Variants in CLVS1 observed in about 807,000 individuals in gnomAD.
CLVS1 encodes the protein clavesin-1.
CLVS1 carries 10 observed loss-of-function variants against 33.1 expected under a neutral mutation model. That is an observed-to-expected ratio of 0.30 (90% confidence interval 0.19 to 0.51). CLVS1 has a LOEUF of 0.51. Ranked by LOEUF, CLVS1 falls within the 20% of genes least tolerant of loss-of-function variation. The pLI is 0.97. For missense variants in CLVS1, 343 were observed against 433.4 expected, an observed-to-expected ratio of 0.79 and a Z score of 1.85; for synonymous variants, 163 against 166.1, an observed-to-expected ratio of 0.98 and a Z score of 0.14.
At chr8:61,370,188 T>C (rs1216915503) in intron 2 of CLVS1, among the ~76,000 whole-genome samples, 1 of 95,100 alleles carries the variant, frequency 1.1e-5, no homozygotes. Context: ...GGGCAAAGAG[T>C]TTTTTTATAA....
Position 61,270,155 on chromosome 8 carries a change from G to A in CLVS1, c.-151-29522G>A, listed in dbSNP as rs376086099. Among the ~76,000 whole-genome samples the A allele has an allele frequency of 2.5e-3, 381 of 152,178 alleles. 3 individuals are homozygous for A. Among genetic ancestry groups the A allele is most frequent in the African/African-American group, 7.6e-3 (317 of 41,510 alleles). ...GTATGATATTGGCTGTGGGTTTGTC[G>A]TAGATAGCTCTTATTATTTTGAAAT... On this transcript the variant is annotated intron_variant, in intron 2 of 2. Coordinates refer to the CLVS1 transcript ENST00000522621.
At chr8:61,411,289 C>T (rs1193146681) in intron 3 of CLVS1, among the ~76,000 whole-genome samples, 1 of 152,184 alleles carries the variant, frequency 6.6e-6, no homozygotes, top group Admixed American at 6.5e-5. Context: ...TGAATTCCTC[C>T]TGTCTGCAAG....
At chr8:61,379,264 T>TGATTAATG (rs1813769942) in intron 3 of CLVS1, among the ~76,000 whole-genome samples, 1 of 152,208 alleles carries the variant, frequency 6.6e-6, no homozygotes, top group East Asian at 1.9e-4. Flanking sequence ...AATTTGGTGC[T>TGATTAATG]AGGCCATCTG....
chr8:61,328,761 G>C lies in CLVS1; in HGVS notation c.455+28479G>C, dbSNP rs183321987. Among the ~76,000 whole-genome samples, 357 of 152,236 alleles carry C rather than the reference G, an allele frequency of 2.3e-3. 1 individual carries two copies. Among genetic ancestry groups the C allele is most frequent in the African/African-American group, 8.0e-3 (334 of 41,522 alleles). ...ACGTTGGTTGTCTCTCAGCAGGAGG[G>C]AAGTCCCCTGGAAGCAAAGATTTGT... On this transcript the variant is annotated intron_variant, in intron 2 of 5. Coordinates refer to ENST00000325897, the MANE Select transcript of CLVS1 (RefSeq NM_173519.3).
chr8:61,433,769 C>T (rs1816203267), intron 3 of CLVS1, among the ~76,000 whole-genome samples: 1 of 151,944 alleles, frequency 6.6e-6, no homozygotes, highest in Non-Finnish European at 1.5e-5. Context: ...CAAAAATTAG[C>T]CAGGTGTGGT....
At chr8:61,237,184 C>A (rs1808583669) in intron 2 of CLVS1, among the ~76,000 whole-genome samples, 1 of 152,184 alleles carries the variant, frequency 6.6e-6, no homozygotes, top group Non-Finnish European at 1.5e-5. Context: ...CAGGATGACT[C>A]CTATTTTCAG....
chr8:61,328,434 A>G (rs990322551), intron 2 of CLVS1, among the ~76,000 whole-genome samples: 1 of 152,168 alleles, frequency 6.6e-6, no homozygotes, highest in Non-Finnish European at 1.5e-5. Flanking sequence ...GGCAGGATTT[A>G]CATGGGCCAG....
At chr8:61,072,221 A>G (rs1804809490) in intron 1 of CLVS1, among the ~76,000 whole-genome samples, 1 of 151,982 alleles carries the variant, frequency 6.6e-6, no homozygotes, top group African/African-American at 2.4e-5. Context: ...CCAGCTGGAG[A>G]GATTTTCTTG....
At chr8:61,394,651 G>A (rs1470140566) in intron 3 of CLVS1, among the ~76,000 whole-genome samples, 1 of 152,162 alleles carries the variant, frequency 6.6e-6, no homozygotes, top group Non-Finnish European at 1.5e-5. Context: ...CTCCCATGCA[G>A]CCAGCGAGGT....
chr8:61,125,912 G>A (rs1215092708), intron 1 of CLVS1, among the ~76,000 whole-genome samples: 2 of 151,682 alleles, frequency 1.3e-5, no homozygotes, highest in African/African-American at 4.8e-5. Context: ...AACAATTAAC[G>A]GAAAACAGCC....
intron 5 of CLVS1, among the ~76,000 whole-genome samples, chr8:61,489,294 GC>G (rs1563577335): frequency 6.6e-6 from 1 of 152,130 alleles, no homozygotes; most frequent in African/African-American, 2.4e-5. Context: ...GCATGTTTAT[GC>G]CCTTTGGTTT....
chr8:61,177,657 C>G (rs891929132), intron 2 of CLVS1, among the ~76,000 whole-genome samples: 2 of 152,044 alleles, frequency 1.3e-5, no homozygotes, highest in Non-Finnish European at 2.9e-5. Flanking sequence ...GTTCCCCAGC[C>G]TCCTCAAGTG....
At chr8:61,410,302 G>A (rs904242740) in intron 3 of CLVS1, among the ~76,000 whole-genome samples, 1 of 151,976 alleles carries the variant, frequency 6.6e-6, no homozygotes, top group Non-Finnish European at 1.5e-5. Context: ...TTATGGAAAC[G>A]TTTATTTTCC....
At chr8:61,069,328 G>A (rs375689709) in intron 1 of CLVS1, among the ~76,000 whole-genome samples, 1 of 152,102 alleles carries the variant, frequency 6.6e-6, no homozygotes, top group Non-Finnish European at 1.5e-5. Context: ...CGACTTCCTC[G>A]CTTTCCAACA....
intron 2 of CLVS1, among the ~76,000 whole-genome samples, chr8:61,147,172 C>T (rs1806438533): frequency 6.6e-6 from 1 of 152,172 alleles, no homozygotes; most frequent in Admixed American, 6.5e-5. Flanking sequence ...ATGCTTCAGC[C>T]TGAGGGAGAA....
At chr8:61,409,906 T>C (rs1246112708) in intron 3 of CLVS1, among the ~76,000 whole-genome samples, 1 of 152,136 alleles carries the variant, frequency 6.6e-6, no homozygotes, top group East Asian at 1.9e-4. Flanking sequence ...CATGTTTAAG[T>C]GGAATTTGTA....
intron 5 of CLVS1, among the ~76,000 whole-genome samples, chr8:61,494,045 C>T (rs955747675): frequency 2.6e-5 from 4 of 152,116 alleles, no homozygotes; most frequent in Non-Finnish European, 2.9e-5. Flanking sequence ...GATAAGGTAG[C>T]TAAATAAATT....
chr8:61,135,771 G>T (rs1472596496), intron 2 of CLVS1, among the ~76,000 whole-genome samples: 1 of 152,240 alleles, frequency 6.6e-6, no homozygotes, highest in Non-Finnish European at 1.5e-5. Flanking sequence ...TGCAGAATCG[G>T]TGAGTAGAAG....
intron 2 of CLVS1, among the ~76,000 whole-genome samples, chr8:61,203,704 C>G (rs1256004408): frequency 6.6e-6 from 1 of 152,204 alleles, no homozygotes; most frequent in Non-Finnish European, 1.5e-5. Flanking sequence ...CTGTTTGACA[C>G]TTGGAGCTTG....
Sources: gnomAD v4.1 joint callset for allele counts (sites outside exome capture counted in the v4.1 genomes callset) on GRCh38, gnomAD v4.1.1 for gene constraint, MANE v1.5 for transcripts, NCBI Gene and HGNC (gene_info 2026-07-23, HGNC 2026-07-21) for gene names.